UTS2: variants seen among roughly 807,000 people sequenced by gnomAD.
The protein encoded by UTS2 is urotensin 2.
Under a neutral mutation model 12.6 loss-of-function variants are expected in UTS2, and 10 were observed. That is an observed-to-expected ratio of 0.80 (90% CI 0.49 to 1.35). UTS2 has a LOEUF of 1.35. UTS2 is among the 40% of genes most tolerant of loss of function. The pLI is 0.00. For synonymous variants in UTS2, 52 were observed against 50.0 expected, an observed-to-expected ratio of 1.04 and a Z score of -0.17; for missense variants, 142 against 143.2, an observed-to-expected ratio of 0.99 and a Z score of 0.04.
the UTS2 span, among the ~76,000 whole-genome samples, chr1:7,859,529 G>A: frequency 6.6e-6 from 1 of 152,324 alleles, no homozygotes; most frequent in East Asian, 1.9e-4. Context: ...CTATCTGAGA[G>A]GAAGAGCCTC....
the UTS2 span, among the ~76,000 whole-genome samples, chr1:7,901,863 T>C: frequency 2.2e-3 from 329 of 152,114 alleles, no homozygotes; most frequent in African/African-American, 7.0e-3. Context: ...ACGGAACGTG[T>C]GAGGTCTGTA....
At chr1:7,879,865 A>C in the UTS2 span, among the ~76,000 whole-genome samples, 1 of 152,234 alleles carries the variant, frequency 6.6e-6, no homozygotes, top group Non-Finnish European at 1.5e-5. Context: ...CCTACATCTA[A>C]AAAGAAGAAA....
the UTS2 span, among the ~76,000 whole-genome samples, chr1:7,860,759 C>T: frequency 8.0e-5 from 12 of 150,782 alleles, no homozygotes; most frequent in Middle Eastern, 3.2e-3. Context: ...AGGCTCAGTC[C>T]GGGCTGGGCC....
chr1:7,862,996 T>C, the UTS2 span, among the ~76,000 whole-genome samples: 2 of 18,910 alleles, frequency 1.1e-4, no homozygotes, highest in South Asian at 1.7e-3. Flanking sequence ...TTGTGTTGTA[T>C]TGTATTGTAT....
chr1:7,897,675 C>T, the UTS2 span, among the ~76,000 whole-genome samples: 2,599 of 152,250 alleles, frequency 0.017, 81 homozygotes, highest in African/African-American at 0.059. Context: ...CAACCTCCAC[C>T]GCCCAGGTTC....
chr1:7,903,320 T>C, the UTS2 span, among the ~76,000 whole-genome samples: 12 of 19,318 alleles, frequency 6.2e-4, 1 homozygote, highest in African/African-American at 2.1e-3. Flanking sequence ...CCCCTCCTTC[T>C]CCTGCTTCCC....
the UTS2 span, among the ~76,000 whole-genome samples, chr1:7,872,326 G>GAAAAAA: frequency 3.1e-5 from 3 of 97,780 alleles, no homozygotes; most frequent in Admixed American, 1.3e-4. Flanking sequence ...AAAAGGAAAA[G>GAAAAAA]AAAAAAAAAG....
chr1:7,902,264 CT>C, the UTS2 span, among the ~76,000 whole-genome samples: 1 of 152,074 alleles, frequency 6.6e-6, no homozygotes, highest in South Asian at 2.1e-4. Flanking sequence ...GACCACCCTG[CT>C]TTTTTGTATG....
chr1:7,887,733 G>T, the UTS2 span, among the ~76,000 whole-genome samples: 154 of 149,834 alleles, frequency 1.0e-3, no homozygotes, highest in African/African-American at 3.6e-3. Context: ...TCCAGCCTGG[G>T]CAACAGAGCA....
chr1:7,884,773 T>C, the UTS2 span, among the ~76,000 whole-genome samples: 1 of 151,676 alleles, frequency 6.6e-6, no homozygotes, highest in South Asian at 2.1e-4. Flanking sequence ...CATCCACCCA[T>C]TTTATCTACC....
At chr1:7,907,662 C>T in the UTS2 span, among the ~76,000 whole-genome samples, 12 of 150,870 alleles carry the variant, frequency 8.0e-5, 1 homozygote, top group East Asian at 9.7e-4. Flanking sequence ...AAAAAATTAG[C>T]GACCACAACA....
the UTS2 span, among the ~76,000 whole-genome samples, chr1:7,902,791 G>A: frequency 6.6e-6 from 1 of 152,238 alleles, no homozygotes. Flanking sequence ...CACTGGCGGC[G>A]TGGTTTCAGG....
the UTS2 span, among the ~76,000 whole-genome samples, chr1:7,871,540 T>G: frequency 2.6e-5 from 4 of 152,066 alleles, no homozygotes; most frequent in South Asian, 8.3e-4. Flanking sequence ...TACCTTGTTT[T>G]ATTTATCTTC....
chr1:7,853,296 A>G, upstream of UTS2: 3 of 1,614,166 alleles, frequency 1.9e-6, no homozygotes, highest in Non-Finnish European at 2.5e-6. Context: ...CTGGCAAAAG[A>G]GGCAACTTAC....
At chr1:7,871,724 C>T in the UTS2 span, among the ~76,000 whole-genome samples, 1 of 152,108 alleles carries the variant, frequency 6.6e-6, no homozygotes, top group Non-Finnish European at 1.5e-5. Context: ...ATTATTATAT[C>T]GCTGAGGTGA....
the UTS2 span, among the ~76,000 whole-genome samples, chr1:7,879,062 T>G: frequency 1.3e-5 from 2 of 152,292 alleles, no homozygotes; most frequent in East Asian, 3.9e-4. Flanking sequence ...CAATAACAGT[T>G]GGAGACTTTA....
chr1:7,902,119 G>A, the UTS2 span, among the ~76,000 whole-genome samples: 3 of 152,088 alleles, frequency 2.0e-5, no homozygotes, highest in Non-Finnish European at 2.9e-5. Flanking sequence ...GGAGGACTGC[G>A]GAGGGTGGCA....
the UTS2 span, among the ~76,000 whole-genome samples, chr1:7,905,173 C>T: frequency 1.4e-5 from 2 of 141,894 alleles, no homozygotes; most frequent in Non-Finnish European, 3.0e-5. Context: ...AGACAGAGTT[C>T]GCTCTTGTTG....
the UTS2 span, among the ~76,000 whole-genome samples, chr1:7,872,321 G>GAAAAAAAAAAAAAAAAAAAAGA: frequency 1.2e-5 from 1 of 86,078 alleles, no homozygotes; most frequent in South Asian, 3.7e-4. Context: ...AAAAAAAAAG[G>GAAAAAAAAAAAAAAAAAAAAGA]AAAAGAAAAA....
Sources: allele counts gnomAD v4.1 joint callset (sites outside exome capture counted in the v4.1 genomes callset), GRCh38; gene constraint gnomAD v4.1.1; transcripts MANE v1.5; gene names NCBI Gene and HGNC (gene_info 2026-07-23, HGNC 2026-07-21).